Variants in CENPW observed in about 807,000 individuals in gnomAD.
CENPW encodes centromere protein W.
CENPW carries 3 observed loss-of-function variants against 11.1 expected under a neutral mutation model. That is an observed-to-expected ratio of 0.27 (90% confidence interval 0.12 to 0.70). The LOEUF (loss-of-function observed/expected upper bound fraction) is 0.70. CENPW is among the 30% of genes least tolerant of loss of function. The pLI is 0.77. For missense variants in CENPW, 100 were observed against 105.6 expected, an observed-to-expected ratio of 0.95 and a Z score of 0.23; for synonymous variants, 38 against 42.0, an observed-to-expected ratio of 0.91 and a Z score of 0.37.
the CENPW span, among the ~76,000 whole-genome samples, chr6:126,414,019 C>T: frequency 6.6e-6 from 1 of 151,790 alleles, no homozygotes; most frequent in Non-Finnish European, 1.5e-5. Flanking sequence ...AGAGTAGCTA[C>T]TATACTTATA....
the CENPW span, among the ~76,000 whole-genome samples, chr6:126,451,062 A>G: frequency 1.3e-5 from 2 of 151,086 alleles, no homozygotes; most frequent in African/African-American, 4.8e-5. Flanking sequence ...TAATTAACAT[A>G]TTAGTAATTC....
Position 126,340,139 on chromosome 6 carries a change from G to C in CENPW, c.-135G>C. 3 of 829,270 alleles carry C rather than the reference G, an allele frequency of 3.6e-6. No individual in the cohort carries two copies. The highest frequency in any genetic ancestry group is 5.8e-6 in the Non-Finnish European group (3 of 513,262). 51.4% of individuals were successfully genotyped at this position (829,270 alleles called of 1,614,324 possible). ...CGTTCCGTTGGCGGCGGATTCGAAC[G>C]TTCGGACTGAGGTTTTTCTGCCTGA... On this transcript the variant is annotated 5_prime_UTR_variant, in exon 1 of 3. Transcript: ENST00000368328.
chr6:126,344,697 T>C (rs1780374360), intron 1 of CENPW, among the ~76,000 whole-genome samples: 1 of 152,196 alleles, frequency 6.6e-6, no homozygotes. Flanking sequence ...CCACCTTTCA[T>C]AGATTGTTCA....
the CENPW span, among the ~76,000 whole-genome samples, chr6:126,440,512 T>C: frequency 4.0e-5 from 6 of 151,594 alleles, no homozygotes; most frequent in African/African-American, 1.5e-4. Context: ...TTTTTCTTAA[T>C]TTTAATAAAT....
the CENPW span, among the ~76,000 whole-genome samples, chr6:126,368,650 G>T: frequency 6.9e-6 from 1 of 144,390 alleles, no homozygotes; most frequent in African/African-American, 2.5e-5. Flanking sequence ...CCAATGTGTA[G>T]TTTTTTTTTT....
the CENPW span, among the ~76,000 whole-genome samples, chr6:126,408,706 G>A: frequency 1.3e-5 from 2 of 152,078 alleles, no homozygotes; most frequent in Non-Finnish European, 2.9e-5. Flanking sequence ...GTTCAATATT[G>A]TTAGGTTGTA....
the CENPW span, among the ~76,000 whole-genome samples, chr6:126,482,969 G>A: frequency 6.6e-6 from 1 of 151,914 alleles, no homozygotes; most frequent in African/African-American, 2.4e-5. Context: ...TCAATATACA[G>A]AGTATATCTA....
the CENPW span, among the ~76,000 whole-genome samples, chr6:126,425,564 G>T: frequency 6.6e-6 from 1 of 152,020 alleles, no homozygotes; most frequent in Non-Finnish European, 1.5e-5. Context: ...TTGTCAAATA[G>T]TATTGTAATG....
the CENPW span, among the ~76,000 whole-genome samples, chr6:126,414,384 C>A: frequency 5.9e-5 from 9 of 152,226 alleles, no homozygotes; most frequent in African/African-American, 2.2e-4. Context: ...GAACATTCTC[C>A]AGAATAAATC....
At chr6:126,468,174 C>T in the CENPW span, among the ~76,000 whole-genome samples, 4 of 151,934 alleles carry the variant, frequency 2.6e-5, no homozygotes, top group African/African-American at 9.7e-5. Flanking sequence ...AATCCCAGCA[C>T]TTTGGGAGGC....
chr6:126,396,962 T>C, the CENPW span, among the ~76,000 whole-genome samples: 1 of 151,842 alleles, frequency 6.6e-6, no homozygotes, highest in African/African-American at 2.4e-5. Context: ...TTTCCTGTTC[T>C]CTCCTCAAGC....
chr6:126,465,833 G>A, the CENPW span, among the ~76,000 whole-genome samples: 987 of 152,138 alleles, frequency 6.5e-3, 3 homozygotes, highest in Non-Finnish European at 0.01. Context: ...ATTCTAGATT[G>A]AAAACAAAGA....
the CENPW span, among the ~76,000 whole-genome samples, chr6:126,466,258 CA>C: frequency 6.6e-6 from 1 of 152,186 alleles, no homozygotes; most frequent in Middle Eastern, 3.4e-3. Context: ...GTGTATAAAA[CA>C]ACCTCGTTAA....
chr6:126,403,394 G>A, the CENPW span, among the ~76,000 whole-genome samples: 8 of 152,092 alleles, frequency 5.3e-5, no homozygotes, highest in African/African-American at 1.9e-4. Context: ...TGAATGCAAA[G>A]GAAAAGTTCT....
At chr6:126,340,993 C>G (rs1211717621) in intron 1 of CENPW, among the ~76,000 whole-genome samples, 1 of 152,128 alleles carries the variant, frequency 6.6e-6, no homozygotes, top group East Asian at 1.9e-4. Context: ...TAGGAAGAGT[C>G]CTCTCAACTG....
At chr6:126,428,103 G>A in the CENPW span, among the ~76,000 whole-genome samples, 5 of 152,172 alleles carry the variant, frequency 3.3e-5, no homozygotes, top group Non-Finnish European at 7.4e-5. Flanking sequence ...GGAAAATCAT[G>A]TTCTTCCAAA....
At chr6:126,356,414 G>A in the CENPW span, among the ~76,000 whole-genome samples, 3 of 152,304 alleles carry the variant, frequency 2.0e-5, no homozygotes, top group South Asian at 6.2e-4. Flanking sequence ...ATACGGGACA[G>A]CGGGATTTGC....
At chr6:126,355,549 C>A in the CENPW span, among the ~76,000 whole-genome samples, 1 of 116,752 alleles carries the variant, frequency 8.6e-6, no homozygotes, top group Non-Finnish European at 1.9e-5. Context: ...ATTTGTTTCA[C>A]TTGTAGACAT....
the CENPW span, among the ~76,000 whole-genome samples, chr6:126,454,826 G>C: frequency 6.6e-6 from 1 of 150,734 alleles, no homozygotes. Context: ...TAGACCACTA[G>C]CTAGACAAAT....
Sources: allele counts gnomAD v4.1 joint callset (sites outside exome capture counted in the v4.1 genomes callset), GRCh38; gene constraint gnomAD v4.1.1; transcripts MANE v1.5; gene names NCBI Gene and HGNC (gene_info 2026-07-23, HGNC 2026-07-21).